CACNA1A: variants seen among roughly 807,000 people sequenced by gnomAD.
CACNA1A encodes calcium voltage-gated channel subunit alpha1 A, also known as voltage-dependent P/Q-type calcium channel subunit alpha-1A.
CACNA1A carries 57 observed loss-of-function variants against 262.4 expected under a neutral mutation model. The ratio of observed to expected loss-of-function variants is 0.22; its 90% confidence interval spans 0.18 to 0.27. The LOEUF (loss-of-function observed/expected upper bound fraction) is 0.27. Ranked by LOEUF, CACNA1A falls within the 10% of genes least tolerant of loss-of-function variation. CACNA1A has a pLI of 1.00. For synonymous variants in CACNA1A, 1,431 were observed against 1,419.3 expected (o/e 1.01, Z -0.18); for missense variants, 2,526 against 3,562.8 (o/e 0.71, Z 7.41).
At chr19:13,401,982 T>G (rs2059907139) in intron 3 of CACNA1A, among the ~76,000 whole-genome samples, 1 of 152,192 alleles carries the variant, frequency 6.6e-6, no homozygotes, top group African/African-American at 2.4e-5. Flanking sequence ...CGGCCACCAG[T>G]TGTACTTTAG....
At chr19:13,446,249 C>T (rs1360681313) in intron 3 of CACNA1A, among the ~76,000 whole-genome samples, 4 of 98,618 alleles carry the variant, frequency 4.1e-5, no homozygotes, top group Non-Finnish European at 7.4e-5. Context: ...CACTCTGTCC[C>T]GAAAAAAAAA....
At chr19:13,228,953 T>C (rs2055571718) in intron 36 of CACNA1A, 1 of 430,610 alleles carries the variant, frequency 2.3e-6, no homozygotes, top group Admixed American at 4.5e-5. Context: ...TCCCAGACAC[T>C]GGGGAGACCC....
intron 11 of CACNA1A, 129 bp downstream of exon 11, chr19:13,316,983 T>C: frequency 1.6e-6 from 1 of 616,908 alleles, no homozygotes; most frequent in African/African-American, 1.8e-5. Context: ...GTTATAGAAA[T>C]GGCTAAAGGA....
At chr19:13,396,757 T>C (rs1397530842) in intron 3 of CACNA1A, among the ~76,000 whole-genome samples, 1 of 152,216 alleles carries the variant, frequency 6.6e-6, no homozygotes, top group Non-Finnish European at 1.5e-5. Context: ...TCTAGGTCAA[T>C]GCTCCAGCGG....
chr19:13,208,629 G>A, intron 46 of CACNA1A, 127 bp downstream of exon 46: 1 of 1,230,578 alleles, frequency 8.1e-7, no homozygotes, highest in African/African-American at 1.5e-5. Flanking sequence ...TTGGGGGCAG[G>A]ATGGGAGGTG....
At chr19:13,283,522 A>C in intron 21 of CACNA1A, 126 bp from the exon 22 acceptor site, 1 of 1,224,624 alleles carries the variant, frequency 8.2e-7, no homozygotes, top group Non-Finnish European at 1.1e-6. Context: ...CTACACAACA[A>C]ACTATTAAAC....
At chr19:13,268,484 A>G (rs1403369741) in intron 24 of CACNA1A, among the ~76,000 whole-genome samples, 1 of 147,054 alleles carries the variant, frequency 6.8e-6, no homozygotes, top group Non-Finnish European at 1.5e-5. Flanking sequence ...CCCAGGCTGG[A>G]GTGCAGTGGC....
chr19:13,298,810 C>G lies in CACNA1A; in HGVS notation c.2823G>C (p.Glu941Asp), dbSNP rs374511141. The G allele has an allele frequency of 1.3e-6, 2 of 1,565,108 alleles. No individual in the cohort carries two copies. Among genetic ancestry groups the G allele is most frequent in the African/African-American group, 1.4e-5 (1 of 71,884 alleles). The change falls in exon 19 of 47, where the codon GAG becomes GAC. Residue 941 changes from glutamate to aspartate, a missense_variant. Physicochemically the swap from Glu to Asp is conservative, Grantham distance 45 (BLOSUM62 2). Coordinates refer to ENST00000360228, the MANE Select transcript of CACNA1A (RefSeq NM_001127222.2). ...RHVHRQGGSR[E>D]SRSGSPRTGA... ...CCGTGCGCGGGGACCCGCTGCGGCT[C>G]TCCCTGCTGCCCCCCTGCCGGTGCA...
At chr19:13,420,349 G>A (rs2060298570) in intron 3 of CACNA1A, among the ~76,000 whole-genome samples, 1 of 151,868 alleles carries the variant, frequency 6.6e-6, no homozygotes, top group South Asian at 2.1e-4. Context: ...CCAAATTCGT[G>A]TTTACCGAAA....
At chr19:13,410,821 G>T (rs943854271) in intron 3 of CACNA1A, among the ~76,000 whole-genome samples, 2 of 152,054 alleles carry the variant, frequency 1.3e-5, no homozygotes, top group African/African-American at 4.8e-5. Flanking sequence ...CCTCATACTT[G>T]AAATGGCTTA....
At chr19:13,442,294 C>T (rs1410353665) in intron 3 of CACNA1A, among the ~76,000 whole-genome samples, 2 of 152,140 alleles carry the variant, frequency 1.3e-5, no homozygotes, top group Non-Finnish European at 2.9e-5. Flanking sequence ...CTCTATGATG[C>T]TGTATAACAT....
intron 31 of CACNA1A, among the ~76,000 whole-genome samples, chr19:13,243,001 T>C (rs763823303): frequency 6.6e-6 from 1 of 152,208 alleles, no homozygotes; most frequent in Non-Finnish European, 1.5e-5. Context: ...GCTCTCTTAC[T>C]GGTGATTGAA....
intron 5 of CACNA1A, chr19:13,361,984 T>G: frequency 8.2e-6 from 1 of 121,916 alleles, no homozygotes; most frequent in Non-Finnish European, 1.7e-5. Flanking sequence ...CCCCAGTCCC[T>G]CCCTCCCTCC....
chr19:13,298,751 T>G lies in CACNA1A; in HGVS notation c.2882A>C (p.His961Pro), dbSNP rs1316264115. 4.0e-6 allele frequency: 6 copies of G among 1,510,584 alleles called. No homozygotes were observed. The highest frequency in any genetic ancestry group is 5.3e-6 in the Non-Finnish European group (6 of 1,136,542). 93.6% of individuals were successfully genotyped at this position (1,510,584 alleles called of 1,614,324 possible). The change falls in exon 19 of 47, where the codon CAC becomes CCC. Residue 961 changes from histidine to proline, a missense_variant. Coordinates refer to ENST00000360228, the MANE Select transcript of CACNA1A (RefSeq NM_001127222.2). The part of the protein sequence containing the change: ...ADGEHRRHRA[H>P]RRPGEEGPED... Reference sequence around the variant, plus strand: ...CGGACCCTCCTCCCCGGGCCTGCGGTGCGCGCGATGACGTCGATGCTCCCC... The same window carrying G: ...CGGACCCTCCTCCCCGGGCCTGCGGGGCGCGCGATGACGTCGATGCTCCCC...
chr19:13,294,487 C>CTTTTT (rs780908964), intron 19 of CACNA1A, among the ~76,000 whole-genome samples: 5,714 of 72,410 alleles, frequency 0.079, 856 homozygotes, highest in East Asian at 0.13. Context: ...CTGTACCTGG[C>CTTTTT]TTTTTTTTTT....
intron 19 of CACNA1A, among the ~76,000 whole-genome samples, chr19:13,297,978 C>T (rs1214670818): frequency 6.6e-6 from 1 of 152,054 alleles, no homozygotes; most frequent in Non-Finnish European, 1.5e-5. Context: ...TACAGGTGGG[C>T]ACCACCACTA....
At chr19:13,297,773 T>C (rs1204528685) in intron 19 of CACNA1A, among the ~76,000 whole-genome samples, 4 of 151,880 alleles carry the variant, frequency 2.6e-5, no homozygotes, top group Non-Finnish European at 4.4e-5. Context: ...TGACTGCCAC[T>C]GCACTCCAGC....
chr19:13,252,266 G>A (rs2056420361), intron 30 of CACNA1A, among the ~76,000 whole-genome samples: 1 of 151,718 alleles, frequency 6.6e-6, no homozygotes, highest in African/African-American at 2.4e-5. Context: ...TAGGGACAGG[G>A]GCTTGCTTTG....
At chr19:13,332,228 C>T (rs1430793682) in intron 9 of CACNA1A, among the ~76,000 whole-genome samples, 1 of 152,070 alleles carries the variant, frequency 6.6e-6, no homozygotes, top group Non-Finnish European at 1.5e-5. Flanking sequence ...TGGCGAAACC[C>T]CATCTCTATC....
Sources: allele counts gnomAD v4.1 joint callset (sites outside exome capture counted in the v4.1 genomes callset), GRCh38; gene constraint gnomAD v4.1.1; transcripts MANE v1.5; gene names NCBI Gene and HGNC (gene_info 2026-07-23, HGNC 2026-07-21).